TENM2: variants seen among roughly 807,000 people sequenced by gnomAD.
TENM2 encodes teneurin-2.
In TENM2, 52 loss-of-function variants were observed where a neutral mutation model predicts 245.2. The observed-to-expected ratio is 0.21, with a 90% CI of 0.17 to 0.27. TENM2 has a LOEUF of 0.27. TENM2 is among the 10% of genes least tolerant of loss of function. The pLI is 1.00. For missense variants in TENM2, 3,046 were observed against 3,666.8 expected (o/e 0.83, Z 4.37); for synonymous variants, 1,363 against 1,438.9 (o/e 0.95, Z 1.19).
intron 12 of TENM2, among the ~76,000 whole-genome samples, chr5:168,133,715 A>T (rs1480823553): frequency 2.0e-5 from 3 of 152,222 alleles, no homozygotes; most frequent in African/African-American, 7.2e-5. Flanking sequence ...TGTACATTGA[A>T]AAACTTCCTT....
At chr5:167,188,129 T>C in the TENM2 span, among the ~76,000 whole-genome samples, 193 of 152,308 alleles carry the variant, frequency 1.3e-3, no homozygotes, top group Non-Finnish European at 2.4e-3. Flanking sequence ...ATCAACATGG[T>C]GGTCTCTGCT....
At chr5:167,082,501 G>C in the TENM2 span, among the ~76,000 whole-genome samples, 1 of 152,000 alleles carries the variant, frequency 6.6e-6, no homozygotes, top group Non-Finnish European at 1.5e-5. Flanking sequence ...TAGCCAGGCT[G>C]GTCTCAAACT....
chr5:167,951,543 G>A (rs1000001761), intron 3 of TENM2, among the ~76,000 whole-genome samples: 2 of 152,184 alleles, frequency 1.3e-5, no homozygotes, highest in Non-Finnish European at 2.9e-5. Flanking sequence ...CAGAGACAGC[G>A]ATATCTACAA....
chr5:167,862,316 G>T (rs1039378458), intron 2 of TENM2, among the ~76,000 whole-genome samples: 4 of 152,072 alleles, frequency 2.6e-5, no homozygotes, highest in African/African-American at 9.7e-5. Flanking sequence ...ACAGCAACTT[G>T]TTGGGAGCCG....
chr5:168,256,226 A>G (rs566465757), intron 27 of TENM2, among the ~76,000 whole-genome samples: 5 of 149,270 alleles, frequency 3.3e-5, no homozygotes, highest in African/African-American at 1.3e-4. Context: ...CTATATGTAT[A>G]TATATGTGTA....
At chr5:167,860,090 G>A (rs1308887815) in intron 2 of TENM2, among the ~76,000 whole-genome samples, 6 of 63,230 alleles carry the variant, frequency 9.5e-5, no homozygotes, top group South Asian at 9.2e-4. Flanking sequence ...CCGGCCAGCC[G>A]CCCCGTCCGG....
chr5:167,563,406 C>T (rs1773717309), intron 2 of TENM2, among the ~76,000 whole-genome samples: 1 of 152,140 alleles, frequency 6.6e-6, no homozygotes, highest in South Asian at 2.1e-4. Flanking sequence ...TGAAATACTT[C>T]CCAAAGAACC....
At chr5:168,231,748 C>T (rs987930032) in intron 25 of TENM2, among the ~76,000 whole-genome samples, 8 of 151,682 alleles carry the variant, frequency 5.3e-5, no homozygotes, top group African/African-American at 1.7e-4. Flanking sequence ...TAGCAAAACC[C>T]TGTCTCTACA....
the TENM2 span, among the ~76,000 whole-genome samples, chr5:167,007,132 G>A: frequency 6.6e-6 from 1 of 152,072 alleles, no homozygotes; most frequent in Non-Finnish European, 1.5e-5. The surrounding 1 kb of genome is among the most constrained non-coding windows in gnomAD (Gnocchi z 4.2). Flanking sequence ...TATAAATAAT[G>A]GAGATACTTG....
At chr5:167,089,545 T>A in the TENM2 span, among the ~76,000 whole-genome samples, 1 of 152,198 alleles carries the variant, frequency 6.6e-6, no homozygotes, top group African/African-American at 2.4e-5. Context: ...TAATTGTTTT[T>A]TATTTTATGT....
intron 5 of TENM2, among the ~76,000 whole-genome samples, chr5:168,004,914 G>A (rs1411261181): frequency 6.6e-6 from 1 of 152,064 alleles, no homozygotes; most frequent in Non-Finnish European, 1.5e-5. Context: ...CCAGTCTGTG[G>A]ATCTGTGATT....
chr5:168,047,606 G>A (rs190356880), intron 6 of TENM2, 57 bp downstream of exon 8: 63 of 1,528,100 alleles, frequency 4.1e-5, no homozygotes, highest in East Asian at 2.0e-4. Context: ...CTGAGCTCTC[G>A]CCAGCTGGTT....
At chr5:168,027,255 A>C (rs1052135085) in intron 5 of TENM2, among the ~76,000 whole-genome samples, 1 of 152,088 alleles carries the variant, frequency 6.6e-6, no homozygotes, top group Non-Finnish European at 1.5e-5. Context: ...CAACTCTGAG[A>C]TCATTGGCAC....
At chr5:167,931,550 G>A (rs823325) in intron 3 of TENM2, among the ~76,000 whole-genome samples, 41,994 of 87,296 alleles carry the variant, frequency 0.48, 7,135 homozygotes, top group African/African-American at 0.61. Flanking sequence ...TAAACCCATT[G>A]GAAAAAAAAA....
chr5:168,244,315 C>A lies in TENM2; in HGVS notation c.5521-105C>A. Reference sequence around the variant, plus strand: ...CTAACTTTGGGGTTATTTCTTCCTCCAGTGAACACTTAAGCCCTGGCCATG... The same window carrying A: ...CTAACTTTGGGGTTATTTCTTCCTCAAGTGAACACTTAAGCCCTGGCCATG... On this transcript the variant is annotated intron_variant, in intron 25 of 28. Coordinates refer to ENST00000518659, the Ensembl canonical transcript of TENM2. The surrounding 1 kb of genome is among the most constrained non-coding windows in gnomAD (Gnocchi z 4.9). The A allele has an allele frequency of 2.3e-6, 2 of 885,592 alleles. No homozygotes were observed. The highest frequency in any genetic ancestry group is 3.2e-6 in the Non-Finnish European group (2 of 625,546). 54.9% of individuals were successfully genotyped at this position (885,592 alleles called of 1,614,324 possible). A position where few individuals can be genotyped will look rare whatever the true frequency, so the allele number is the denominator to read the frequency against.
chr5:167,333,325 G>A (rs144239451), intron 1 of TENM2, among the ~76,000 whole-genome samples: 224 of 152,188 alleles, frequency 1.5e-3, no homozygotes, highest in African/African-American at 5.2e-3. Flanking sequence ...TCTTAGCCTC[G>A]ATTTTCTCAG....
At chr5:166,981,719 G>A in the TENM2 span, among the ~76,000 whole-genome samples, 6 of 152,056 alleles carry the variant, frequency 3.9e-5, no homozygotes, top group East Asian at 1.9e-4. Flanking sequence ...CACTAGACTC[G>A]AAGACTATGA....
the TENM2 span, among the ~76,000 whole-genome samples, chr5:167,228,402 G>A: frequency 0.21 from 31,323 of 151,302 alleles, 3,779 homozygotes; most frequent in African/African-American, 0.33. Context: ...CATTGAATAA[G>A]TTCTTCAGTT....
intron 9 of TENM2, among the ~76,000 whole-genome samples, chr5:168,105,805 G>T (rs991508472): frequency 1.4e-4 from 22 of 152,126 alleles, no homozygotes; most frequent in African/African-American, 5.3e-4. Flanking sequence ...TTTATTCTAC[G>T]GTTTTTTGTT....
Sources: gnomAD v4.1 joint callset for allele counts (sites outside exome capture counted in the v4.1 genomes callset) on GRCh38, gnomAD v4.1.1 for gene constraint, Gnocchi (gnomAD v3.1) non-coding constraint, MANE v1.5 for transcripts, NCBI Gene and HGNC (gene_info 2026-07-23, HGNC 2026-07-21) for gene names.